The following EYS variants were observed in gnomAD, a reference collection of about 807,000 sequenced individuals.
EYS encodes the protein protein eyes shut homolog.
In EYS, 250 loss-of-function variants were observed where a neutral mutation model predicts 282.1. The observed-to-expected ratio is 0.89, with a 90% confidence interval of 0.80 to 0.98. The LOEUF is 0.98. Ranked by LOEUF, EYS falls within the 50% of genes least tolerant of loss-of-function variation. EYS has a pLI of 0.00. For synonymous variants in EYS, 1,355 were observed against 1,282.9 expected, an observed-to-expected ratio of 1.06 and a Z score of -1.20; for missense variants, 4,016 against 3,709.0, an observed-to-expected ratio of 1.08 and a Z score of -2.15.
intron 13 of EYS, among the ~76,000 whole-genome samples, chr6:65,019,376 A>G (rs991651459): frequency 2.0e-5 from 3 of 152,164 alleles, no homozygotes; most frequent in Non-Finnish European, 4.4e-5. Context: ...AAATTCAGCC[A>G]TTCACACAAG....
chr6:64,603,861 CTGTGTGTGTGTGTGTG>C (rs34430318), intron 24 of EYS, among the ~76,000 whole-genome samples: 11 of 148,288 alleles, frequency 7.4e-5, no homozygotes, highest in African/African-American at 2.5e-4. Context: ...AAATGAATAC[CTGTGTGTGTGTGTGTG>C]TGTGTGTGTG....
At chr6:65,384,771 A>G (rs1765736425) in intron 7 of EYS, among the ~76,000 whole-genome samples, 1 of 151,224 alleles carries the variant, frequency 6.6e-6, no homozygotes, top group Admixed American at 6.6e-5. Context: ...ATACTTAACA[A>G]TACAGTATAT....
rs2149831083 is a variant in EYS at position 64,590,414 on chromosome 6, G to A, written c.5453C>T (p.Pro1818Leu). Residue 1818 changes from proline (P) to leucine (L), a missense_variant, in exon 26 of 43, where the codon CCA becomes CTA. Physicochemically the swap from Pro to Leu is moderately conservative, Grantham distance 98 (BLOSUM62 -3). Coordinates refer to ENST00000503581, the MANE Select transcript of EYS (RefSeq NM_001142800.2). Reference protein sequence around the residue: ...SSMSVIRPDWPYFTDYMTSLK... With the variant: ...SSMSVIRPDWLYFTDYMTSLK... Reference sequence around the variant, plus strand: ...AGAGGTCATATAATCTGTAAAATATGGCCAATCTGGCCTAATTACAGACAT... The same window carrying A: ...AGAGGTCATATAATCTGTAAAATATAGCCAATCTGGCCTAATTACAGACAT... 6.4e-7 allele frequency: 1 copy of A among 1,551,306 alleles called. No homozygotes were observed. Among genetic ancestry groups the A allele is most frequent in the East Asian group, 2.4e-5 (1 of 40,906 alleles).
intron 21 of EYS, among the ~76,000 whole-genome samples, chr6:64,819,436 CA>C (rs1477606767): frequency 1.3e-5 from 2 of 151,892 alleles, no homozygotes; most frequent in Non-Finnish European, 2.9e-5. Flanking sequence ...CAGAATCGTC[CA>C]AAAACTAACC....
At chr6:64,520,702 T>G (rs1316614211) in intron 26 of EYS, among the ~76,000 whole-genome samples, 1 of 151,674 alleles carries the variant, frequency 6.6e-6, no homozygotes, top group African/African-American at 2.4e-5. Flanking sequence ...GTACAACATT[T>G]TAAAATTTTT....
At chr6:65,599,600 T>C (rs1251653533) in intron 2 of EYS, among the ~76,000 whole-genome samples, 7 of 152,104 alleles carry the variant, frequency 4.6e-5, no homozygotes, top group Non-Finnish European at 1.0e-4. Flanking sequence ...TTCAGAAAAA[T>C]ATAAATTTTA....
intron 9 of EYS, among the ~76,000 whole-genome samples, chr6:65,345,768 T>G (rs1770368991): frequency 2.7e-5 from 4 of 149,198 alleles, no homozygotes; most frequent in Admixed American, 2.7e-4. Context: ...AAAAAATAAA[T>G]AAAACAAACG....
chr6:64,540,308 A>T (rs953505445), intron 26 of EYS, among the ~76,000 whole-genome samples: 30 of 152,210 alleles, frequency 2.0e-4, no homozygotes, highest in South Asian at 1.9e-3. Flanking sequence ...TACGGGTCTC[A>T]CCTTCACACT....
chr6:65,423,227 TG>T (rs1351007071), intron 5 of EYS, among the ~76,000 whole-genome samples: 2 of 151,948 alleles, frequency 1.3e-5, no homozygotes, highest in Non-Finnish European at 2.9e-5. Flanking sequence ...CTGAGAACGC[TG>T]GCAACATTTT....
chr6:65,557,302 GGAGT>G (rs1768854395), intron 2 of EYS, among the ~76,000 whole-genome samples: 1 of 152,190 alleles, frequency 6.6e-6, no homozygotes. Context: ...AGAGTGGTGA[GGAGT>G]GTGTGCGTGA....
chr6:65,409,485 A>C (rs1376155857), intron 5 of EYS, among the ~76,000 whole-genome samples: 3 of 152,194 alleles, frequency 2.0e-5, no homozygotes, highest in Non-Finnish European at 4.4e-5. Context: ...CTAGATTTTG[A>C]AAACAAATTT....
chr6:64,140,655 T>C (rs544621256), intron 31 of EYS, among the ~76,000 whole-genome samples: 14 of 152,246 alleles, frequency 9.2e-5, no homozygotes, highest in Non-Finnish European at 1.9e-4. Context: ...TGGATTCCCA[T>C]ATGGAAGGTC....
At position 64,734,133 on chromosome 6, in the gene EYS, A is replaced by G. The variant is rs913150618; in HGVS notation, c.3443+79245T>C. Among the ~76,000 whole-genome samples, 6 of 151,992 alleles carry G rather than the reference A, an allele frequency of 3.9e-5. No homozygotes were observed. In the East Asian group the frequency reaches 1.2e-3, roughly 29 times the overall value. On this transcript the variant is annotated intron_variant, in intron 22 of 42. Coordinates refer to ENST00000503581, the MANE Select transcript of EYS (RefSeq NM_001142800.2). ...TGCAGATATTTTAAGGGAAAAAAAA[A>G]AACAAGTAGAAACAAACAAAAAAAT...
In EYS at chr6:64,207,105, T is replaced by C. The variant is rs9362577; in HGVS notation, c.6424+23487A>G. On this transcript the variant is annotated intron_variant, in intron 31 of 42. Coordinates refer to ENST00000503581, the MANE Select transcript of EYS (RefSeq NM_001142800.2). ...TTTTCTGTGTGTGTGTTAGTGATCA[T>C]GTTGAAATTTAATTGCCAATGTATG... Among the ~76,000 whole-genome samples, 781 of 152,222 alleles carry C rather than the reference T, an allele frequency of 5.1e-3. 18 individuals carry two copies. The East Asian group carries it at 0.078, about 15-fold the overall frequency.
At chr6:64,954,405 CTTA>C (rs1769620219) in intron 14 of EYS, among the ~76,000 whole-genome samples, 1 of 152,044 alleles carries the variant, frequency 6.6e-6, no homozygotes, top group Non-Finnish European at 1.5e-5. Context: ...TATTATCTTC[CTTA>C]TTGACTCAAT....
chr6:64,606,172 C>T (rs1766927583), intron 24 of EYS, among the ~76,000 whole-genome samples: 1 of 151,948 alleles, frequency 6.6e-6, no homozygotes, highest in African/African-American at 2.4e-5. Context: ...CAACAATATA[C>T]ACATATTAAG....
At chr6:64,854,014 G>A (rs1215306858) in intron 19 of EYS, among the ~76,000 whole-genome samples, 1 of 151,896 alleles carries the variant, frequency 6.6e-6, no homozygotes, top group Non-Finnish European at 1.5e-5. Context: ...CATCATCACT[G>A]GCCATCAGAG....
At chr6:64,766,238 C>T (rs1773328849) in intron 22 of EYS, among the ~76,000 whole-genome samples, 1 of 151,728 alleles carries the variant, frequency 6.6e-6, no homozygotes, top group South Asian at 2.1e-4. Flanking sequence ...CTCCCCTTCT[C>T]TTCCCTTCCC....
At chr6:65,027,204 G>A (rs779068853) in intron 13 of EYS, among the ~76,000 whole-genome samples, 5 of 152,034 alleles carry the variant, frequency 3.3e-5, no homozygotes, top group East Asian at 1.9e-4. Context: ...CCTTAATGTC[G>A]TCAATCAAAA....
Sources: allele counts gnomAD v4.1 joint callset (sites outside exome capture counted in the v4.1 genomes callset), GRCh38; gene constraint gnomAD v4.1.1; transcripts MANE v1.5; gene names NCBI Gene and HGNC (gene_info 2026-07-23, HGNC 2026-07-21).